The following SGCZ variants were observed in gnomAD, a reference collection of about 807,000 sequenced individuals.
The protein encoded by SGCZ is zeta-sarcoglycan.
In SGCZ, 40 loss-of-function variants were observed where a neutral mutation model predicts 41.3. That is an observed-to-expected ratio of 0.97 (90% CI 0.75 to 1.26). The LOEUF (loss-of-function observed/expected upper bound fraction) is 1.26, where lower values mean the gene tolerates loss of function less well. Among genes scored for constraint, SGCZ ranks in the 50% most tolerant of loss-of-function variants. SGCZ has a pLI of 0.00. For missense variants in SGCZ, 552 were observed against 369.8 expected, an observed-to-expected ratio of 1.49 and a Z score of -4.04; for synonymous variants, 206 against 137.5, an observed-to-expected ratio of 1.50 and a Z score of -3.49.
intron 1 of SGCZ, among the ~76,000 whole-genome samples, chr8:15,214,690 A>G (rs1016744581): frequency 6.6e-6 from 1 of 152,170 alleles, no homozygotes; most frequent in Non-Finnish European, 1.5e-5. Context: ...AGGGAGGCAT[A>G]TTCCTCACAG....
chr8:14,577,722 A>G (rs1275613039), intron 1 of SGCZ, among the ~76,000 whole-genome samples: 8 of 152,116 alleles, frequency 5.3e-5, no homozygotes, highest in Admixed American at 5.2e-4. Flanking sequence ...GAAATTCAAC[A>G]ATTGTCCTTC....
chr8:14,607,267 C>T (rs1805781832), intron 1 of SGCZ, among the ~76,000 whole-genome samples: 2 of 152,068 alleles, frequency 1.3e-5, no homozygotes, highest in Admixed American at 6.5e-5. Flanking sequence ...ATATATTTGG[C>T]CTTCTTTCTT....
chr8:15,215,373 C>G (rs1352506685), intron 1 of SGCZ, among the ~76,000 whole-genome samples: 1 of 152,160 alleles, frequency 6.6e-6, no homozygotes, highest in African/African-American at 2.4e-5. Context: ...ATTCCATTAT[C>G]TGAATATAAC....
intron 1 of SGCZ, among the ~76,000 whole-genome samples, chr8:14,625,418 G>C (rs147107740): frequency 3.4e-4 from 52 of 152,146 alleles, no homozygotes; most frequent in Non-Finnish European, 6.0e-4. Context: ...CAAGACTGCA[G>C]AATATATATT....
chr8:14,742,892 CA>C (rs1483183340), intron 1 of SGCZ, among the ~76,000 whole-genome samples: 1 of 152,030 alleles, frequency 6.6e-6, no homozygotes, highest in Non-Finnish European at 1.5e-5. Context: ...AATAAATATT[CA>C]AAAGTTACTT....
At chr8:14,162,291 G>A (rs559288268) in intron 5 of SGCZ, among the ~76,000 whole-genome samples, 11 of 152,110 alleles carry the variant, frequency 7.2e-5, no homozygotes, top group East Asian at 3.9e-4. Context: ...TGAGAATATC[G>A]GAATATGGAT....
intron 1 of SGCZ, among the ~76,000 whole-genome samples, chr8:15,035,753 A>G (rs973865848): frequency 6.6e-6 from 1 of 152,156 alleles, no homozygotes; most frequent in Admixed American, 6.5e-5. Flanking sequence ...TCAGTACACA[A>G]TAATAAAGGG....
chr8:14,970,288 T>C (rs1472082920), intron 1 of SGCZ, among the ~76,000 whole-genome samples: 1 of 152,118 alleles, frequency 6.6e-6, no homozygotes, highest in South Asian at 2.1e-4. Context: ...TTGCAAATAT[T>C]TTCACTTACT....
intron 2 of SGCZ, among the ~76,000 whole-genome samples, chr8:14,398,375 A>T (rs916991796): frequency 2.6e-5 from 4 of 152,094 alleles, no homozygotes; most frequent in African/African-American, 9.7e-5. Flanking sequence ...CTGTTCAAGC[A>T]TCCTTTCCTC....
intron 1 of SGCZ, among the ~76,000 whole-genome samples, chr8:15,171,923 A>C (rs1799841779): frequency 1.3e-5 from 2 of 152,142 alleles, no homozygotes; most frequent in Non-Finnish European, 2.9e-5. Flanking sequence ...ACTGACAGCC[A>C]AGTCAATTGA....
chr8:14,643,794 C>T (rs576743186), intron 1 of SGCZ, among the ~76,000 whole-genome samples: 5 of 151,796 alleles, frequency 3.3e-5, no homozygotes, highest in Middle Eastern at 3.4e-3. Context: ...CAAGTCACAT[C>T]CTAAATTGAA....
At chr8:15,013,283 T>C (rs1485173444) in intron 1 of SGCZ, among the ~76,000 whole-genome samples, 1 of 152,180 alleles carries the variant, frequency 6.6e-6, no homozygotes, top group Admixed American at 6.5e-5. Flanking sequence ...TATGAACCTT[T>C]ATGAACAAGC....
At chr8:14,148,445 A>G (rs1027620649) in intron 5 of SGCZ, among the ~76,000 whole-genome samples, 1 of 152,108 alleles carries the variant, frequency 6.6e-6, no homozygotes, top group African/African-American at 2.4e-5. Context: ...GAAATGGACA[A>G]ATTTCTAGAC....
At chr8:14,745,536 C>T (rs1274221698) in intron 1 of SGCZ, among the ~76,000 whole-genome samples, 2 of 152,110 alleles carry the variant, frequency 1.3e-5, no homozygotes, top group South Asian at 4.1e-4. Flanking sequence ...GATCTATGAT[C>T]GTGCTACTGT....
At chr8:14,965,732 TTAA>T (rs1383234042) in intron 1 of SGCZ, among the ~76,000 whole-genome samples, 1 of 152,188 alleles carries the variant, frequency 6.6e-6, no homozygotes, top group Non-Finnish European at 1.5e-5. Context: ...CAAATCTGTA[TTAA>T]TGTCAAATTT....
At chr8:14,692,966 T>G (rs958483051) in intron 1 of SGCZ, among the ~76,000 whole-genome samples, 4 of 152,184 alleles carry the variant, frequency 2.6e-5, no homozygotes, top group Admixed American at 2.6e-4. Flanking sequence ...GGCCATGGAT[T>G]ACTGAAAATA....
intron 2 of SGCZ, among the ~76,000 whole-genome samples, chr8:14,552,955 G>C (rs569505455): frequency 4.6e-5 from 7 of 152,040 alleles, no homozygotes; most frequent in African/African-American, 1.7e-4. Context: ...CTTTGATAGA[G>C]AAAATCATAT....
intron 1 of SGCZ, among the ~76,000 whole-genome samples, chr8:15,041,945 C>T (rs940826973): frequency 2.0e-5 from 3 of 152,054 alleles, no homozygotes; most frequent in Non-Finnish European, 2.9e-5. Context: ...ACTAATTCTA[C>T]CATACAACAC....
At chr8:14,698,865 T>C (rs572818562) in intron 1 of SGCZ, among the ~76,000 whole-genome samples, 2 of 152,006 alleles carry the variant, frequency 1.3e-5, no homozygotes, top group South Asian at 2.1e-4. Flanking sequence ...TGTCTCCTCA[T>C]CCACTATGGG....
Sources: allele counts gnomAD v4.1 joint callset (sites outside exome capture counted in the v4.1 genomes callset), GRCh38; gene constraint gnomAD v4.1.1; transcripts MANE v1.5; gene names NCBI Gene and HGNC (gene_info 2026-07-23, HGNC 2026-07-21).